The following KLF12 variants were observed in gnomAD, a reference collection of about 807,000 sequenced individuals.
KLF12 encodes the protein KLF transcription factor 12, also known as Krueppel-like factor 12.
Under a neutral mutation model 37.8 loss-of-function variants are expected in KLF12, and 9 were observed. The ratio of observed to expected loss-of-function variants is 0.24; its 90% CI spans 0.14 to 0.42. KLF12 has a LOEUF of 0.42. KLF12 is among the 10% of genes least tolerant of loss of function. The pLI is 1.00. For missense variants in KLF12, 411 were observed against 516.0 expected, an observed-to-expected ratio of 0.80 and a Z score of 1.97; for synonymous variants, 208 against 202.1, an observed-to-expected ratio of 1.03 and a Z score of -0.25.
the KLF12 span, among the ~76,000 whole-genome samples, chr13:74,284,071 A>G: frequency 6.6e-6 from 1 of 151,936 alleles, no homozygotes. Flanking sequence ...GTTAGCCAGG[A>G]TGGTCTGGAT....
the KLF12 span, among the ~76,000 whole-genome samples, chr13:74,272,761 G>T: frequency 6.6e-6 from 1 of 152,178 alleles, no homozygotes; most frequent in Non-Finnish European, 1.5e-5. Flanking sequence ...AGAAGGGAAA[G>T]TGAGTGATCT....
At chr13:74,293,538 G>T in the KLF12 span, among the ~76,000 whole-genome samples, 1 of 152,144 alleles carries the variant, frequency 6.6e-6, no homozygotes, top group East Asian at 1.9e-4. Flanking sequence ...AAGTGTCACA[G>T]AATATTTTAA....
chr13:73,784,693 C>T (rs111261175), intron 5 of KLF12, among the ~76,000 whole-genome samples: 4,847 of 150,158 alleles, frequency 0.032, 120 homozygotes, highest in African/African-American at 0.072. Context: ...TGCAGTGGCA[C>T]GATCTAGGCT....
At chr13:73,775,963 C>A (rs929368089) in intron 5 of KLF12, among the ~76,000 whole-genome samples, 4 of 152,068 alleles carry the variant, frequency 2.6e-5, no homozygotes, top group Non-Finnish European at 5.9e-5. Context: ...CAAAATTTTA[C>A]GTCGTTTGGT....
chr13:74,094,338 T>C (rs1875851822), intron 1 of KLF12, among the ~76,000 whole-genome samples: 1 of 152,292 alleles, frequency 6.6e-6, no homozygotes, highest in South Asian at 2.1e-4. Flanking sequence ...TTAAAAAGTA[T>C]ATGAATATGC....
At chr13:74,224,736 T>C in the KLF12 span, among the ~76,000 whole-genome samples, 1 of 152,168 alleles carries the variant, frequency 6.6e-6, no homozygotes, top group Non-Finnish European at 1.5e-5. Flanking sequence ...AACCAGTTCT[T>C]AATAAGTAGT....
At position 73,758,297 on chromosome 13, in the gene KLF12, G is replaced by A. The variant is rs998610957; in HGVS notation, c.869+6641C>T. On this transcript the variant is annotated intron_variant, in intron 6 of 7. Coordinates refer to ENST00000377669, the MANE Select transcript of KLF12 (RefSeq NM_007249.5). ...ATTTAAACCCCTATAAGAAGCAGTAGTTTAAGCAGCTTTGCTAGAGTAAAT... is the reference window on the plus strand; with the variant it reads ...ATTTAAACCCCTATAAGAAGCAGTAATTTAAGCAGCTTTGCTAGAGTAAAT... Among the ~76,000 whole-genome samples the A allele has an allele frequency of 7.9e-5, 12 of 152,160 alleles. 1 individual carries two copies. The highest frequency in any genetic ancestry group is 1.7e-4 in the African/African-American group (7 of 41,446).
At chr13:74,146,915 C>T in the KLF12 span, among the ~76,000 whole-genome samples, 1 of 152,206 alleles carries the variant, frequency 6.6e-6, no homozygotes, top group South Asian at 2.1e-4. Flanking sequence ...CACAAGTCCT[C>T]TTAATCACTG....
chr13:73,726,589 A>G (rs11842996), intron 6 of KLF12, among the ~76,000 whole-genome samples: 23,578 of 152,190 alleles, frequency 0.15, 3,044 homozygotes, highest in African/African-American at 0.35. Context: ...GCTCATCCAC[A>G]TTGTAGCATG....
At chr13:74,050,896 T>C (rs887931779) in intron 1 of KLF12, among the ~76,000 whole-genome samples, 2 of 152,100 alleles carry the variant, frequency 1.3e-5, no homozygotes. Context: ...TAAACAGACA[T>C]TTCTCAAAAG....
At chr13:74,135,692 C>T (rs1186112704), upstream of KLF12, among the ~76,000 whole-genome samples, 1 of 151,970 alleles carries the variant, frequency 6.6e-6, no homozygotes, top group African/African-American at 2.4e-5. Context: ...ACAGTATTCC[C>T]CTGCCCCGCG....
At chr13:74,229,560 G>T in the KLF12 span, among the ~76,000 whole-genome samples, 1 of 152,172 alleles carries the variant, frequency 6.6e-6, no homozygotes, top group African/African-American at 2.4e-5. Flanking sequence ...TTTGGAAAAG[G>T]TAAGAGTTTA....
intron 6 of KLF12, among the ~76,000 whole-genome samples, chr13:73,753,206 G>A (rs1188146087): frequency 6.6e-6 from 1 of 152,012 alleles, no homozygotes; most frequent in East Asian, 1.9e-4. Context: ...CGACCTCTCT[G>A]AGCTGAGGTT....
chr13:73,910,473 C>A (rs2139147133), intron 3 of KLF12, among the ~76,000 whole-genome samples: 1 of 152,230 alleles, frequency 6.6e-6, no homozygotes, highest in South Asian at 2.1e-4. Context: ...CAACTTGAAT[C>A]TTAGCCACAA....
rs374556337 is a variant in KLF12 at position 73,932,522 on chromosome 13, T to C, written c.123+11459A>G. On this transcript the variant is annotated intron_variant, in intron 3 of 7. Coordinates refer to ENST00000377669, the MANE Select transcript of KLF12 (RefSeq NM_007249.5). ...ACCTGTTGACATCTTTATTGTTACATTGGTTTCTCAAAACACTAGGGGAGT... is the reference window on the plus strand; with the variant it reads ...ACCTGTTGACATCTTTATTGTTACACTGGTTTCTCAAAACACTAGGGGAGT... 7.2e-5 allele frequency among the ~76,000 whole-genome samples: 11 copies of C among 152,254 alleles called. No homozygotes were observed. The East Asian group carries it at 7.7e-4, about 11-fold the overall frequency.
intron 5 of KLF12, among the ~76,000 whole-genome samples, chr13:73,789,055 T>C (rs1193218486): frequency 6.6e-6 from 1 of 152,232 alleles, no homozygotes; most frequent in African/African-American, 2.4e-5. Context: ...CTACTGAGAA[T>C]GACTTTTTTT....
the KLF12 span, among the ~76,000 whole-genome samples, chr13:74,210,537 T>A: frequency 6.6e-6 from 1 of 152,204 alleles, no homozygotes; most frequent in African/African-American, 2.4e-5. Flanking sequence ...CTGTTTTTAA[T>A]CTGTGAGACG....
chr13:73,804,882 G>A (rs73216738), intron 5 of KLF12, among the ~76,000 whole-genome samples: 3,096 of 152,306 alleles, frequency 0.02, 70 homozygotes, highest in Non-Finnish European at 0.032. Context: ...AAATAAAAAC[G>A]AAGCATCTTT....
At chr13:74,201,389 C>T in the KLF12 span, among the ~76,000 whole-genome samples, 2 of 151,976 alleles carry the variant, frequency 1.3e-5, no homozygotes, top group African/African-American at 2.4e-5. Flanking sequence ...CCTTTTCTTC[C>T]CCTTCTTTCC....
Sources: gnomAD v4.1 joint callset for allele counts (sites outside exome capture counted in the v4.1 genomes callset) on GRCh38, gnomAD v4.1.1 for gene constraint, MANE v1.5 for transcripts, NCBI Gene and HGNC (gene_info 2026-07-23, HGNC 2026-07-21) for gene names.